The following NKX3-2 variants were observed in gnomAD, a reference collection of about 807,000 sequenced individuals.
The protein encoded by NKX3-2 is homeobox protein Nkx-3.2.
NKX3-2 carries 13 observed loss-of-function variants against 19.4 expected under a neutral mutation model. That is an observed-to-expected ratio of 0.67 (90% CI 0.44 to 1.07). The LOEUF is 1.07. Among genes scored for constraint, NKX3-2 ranks in the 50% least tolerant of loss-of-function variants. NKX3-2 has a pLI of 0.00. For synonymous variants in NKX3-2, 269 were observed against 230.5 expected (o/e 1.17, Z -1.51); for missense variants, 562 against 488.2 (o/e 1.15, Z -1.42).
rs1055340292 is a variant in NKX3-2 at position 13,543,133 on chromosome 4, G to T, written c.467-605C>A. Reference sequence around the variant, plus strand: ...GGATGGACTGGAGAGTAAAGAGGGAGGGTTGCCCCTGCATCGAGTTTTTGG... The same window carrying T: ...GGATGGACTGGAGAGTAAAGAGGGATGGTTGCCCCTGCATCGAGTTTTTGG... On this transcript the variant is annotated intron_variant, in intron 1 of 1. Transcript: ENST00000382438. This position sits in a 1 kb window ranked among gnomAD's most constrained non-coding sequence, Gnocchi z 7.1. Among the ~76,000 whole-genome samples the T allele has an allele frequency of 4.6e-5, 7 of 152,030 alleles. No homozygotes were observed. Among genetic ancestry groups the T allele is most frequent in the Non-Finnish European group, 8.8e-5 (6 of 68,008 alleles).
chr4:13,544,164 G>C lies in NKX3-2; in HGVS notation c.251C>G (p.Thr84Ser), dbSNP rs755427626. ...GTCCCAGCCTTCCGGGCTCTCCGCAGTCCGCCCCGCAGCTGTTCTGGTACC... is the reference window on the plus strand; with the variant it reads ...GTCCCAGCCTTCCGGGCTCTCCGCACTCCGCCCCGCAGCTGTTCTGGTACC... ...PAGTRTAAGR[T>S]AESPEGWDSD... Residue 84 changes from threonine (T) to serine (S), a missense_variant, in exon 1 of 2, where the codon ACT (threonine) becomes AGT (serine). By Grantham distance (58) the Thr-to-Ser change is moderately conservative. Coordinates refer to ENST00000382438, the MANE Select transcript of NKX3-2 (RefSeq NM_001189.4). The C allele has an allele frequency of 1.2e-6, 2 of 1,605,854 alleles. No individual in the cohort carries two copies. Among genetic ancestry groups the C allele is most frequent in the Non-Finnish European group, 1.7e-6 (2 of 1,178,946 alleles).
In NKX3-2 at chr4:13,542,066, G is replaced by A. The variant is rs771961191; in HGVS notation, c.929C>T (p.Ser310Phe). ...RPPSLLPLQP[S>F]YYYPYYCLPG... The stretch of plus-strand genomic sequence containing the variant: ...GAGGCAGTAGTACGGGTAATAGTAG[G>A]AGGGCTGCAGTGGCAGAAGCGAGGG... Residue 310 changes from serine to phenylalanine, a missense_variant, in exon 2 of 2, where the codon TCC (serine) becomes TTC (phenylalanine). Transcript: ENST00000382438. This position sits in a 1 kb window ranked among gnomAD's most constrained non-coding sequence, Gnocchi z 6.4. The A allele has an allele frequency of 3.1e-6, 5 of 1,607,820 alleles. No individual in the cohort carries two copies. In the South Asian group the frequency reaches 5.5e-5, roughly 18 times the overall value.
upstream of NKX3-2, chr4:13,546,840 C>T (rs968912679): frequency 9.1e-6 from 4 of 441,832 alleles, no homozygotes; most frequent in South Asian, 3.1e-5. Context: ...GTTGGACATA[C>T]TCCTGCCACA....
At position 13,541,672 on chromosome 4, in the gene NKX3-2, C is replaced by G. The variant is rs1022161361; in HGVS notation, c.*321G>C. On this transcript the variant is annotated 3_prime_UTR_variant, in exon 2 of 2. Transcript: ENST00000382438. ...GAGTTGCCGCTCAGGGAAAACCCCA[C>G]CCCCAGGCAGACATATTCGAATCAA... 2 of 314,764 alleles carry G rather than the reference C, an allele frequency of 6.4e-6. No individual in the cohort carries two copies. The highest frequency in any genetic ancestry group is 2.1e-5 in the African/African-American group (1 of 46,710). The allele number at this position is 314,764 out of a possible 1,614,324, so 19.5% of individuals were successfully genotyped here.
chr4:13,544,041 A>C lies in NKX3-2; in HGVS notation c.374T>G (p.Leu125Arg). 6.4e-7 allele frequency: 1 copy of C among 1,563,172 alleles called. No homozygotes were observed. The highest frequency in any genetic ancestry group is 8.6e-7 in the Non-Finnish European group (1 of 1,157,528). Residue 125 changes from leucine (L) to arginine (R), a missense_variant, in exon 1 of 2, where the codon CTC becomes CGC. Physicochemically the swap from Leu to Arg is moderately radical, Grantham distance 102 (BLOSUM62 -2). Transcript: ENST00000382438. ...GAGLAGGSLSLGQPVCELAAS... is the reference protein window; with the variant it reads ...GAGLAGGSLSRGQPVCELAAS... Reference sequence around the variant, plus strand: ...GGCCAGCTCACAGACCGGCTGGCCGAGGCTCAAGGATCCCCCCGCAAGGCC... The same window carrying C: ...GGCCAGCTCACAGACCGGCTGGCCGCGGCTCAAGGATCCCCCCGCAAGGCC...
rs781185178 is a variant in NKX3-2 at position 13,542,413 on chromosome 4, C to G, written c.582G>C (p.Glu194Asp). ...GGGSGPAGVAEEEEEPAAPKP... is the reference protein window; with the variant it reads ...GGGSGPAGVADEEEEPAAPKP... ...TGGGCGCCGCCGGCTCCTCCTCCTC[C>G]TCCGCGACGCCTGCCGGCCCGCTGC... is the stretch of plus-strand genomic sequence containing the variant. The change falls in exon 2 of 2, where the codon GAG (glutamate) becomes GAC (aspartate). Residue 194 changes from glutamate to aspartate, a missense_variant. By Grantham distance (45) the Glu-to-Asp change is conservative. Transcript: ENST00000382438. The surrounding 1 kb of genome is among the most constrained non-coding windows in gnomAD (Gnocchi z 6.4). 4 of 1,528,484 alleles carry G rather than the reference C, an allele frequency of 2.6e-6. No individual in the cohort carries two copies. The highest frequency in any genetic ancestry group is 2.6e-6 in the Non-Finnish European group (3 of 1,144,010). The allele number at this position is 1,528,484 out of a possible 1,614,324, so 94.7% of individuals were successfully genotyped here. A position where few individuals can be genotyped will look rare whatever the true frequency, so the allele number is the denominator to read the frequency against.
rs1370716798 is a variant in NKX3-2, at chr4:13,543,271, G to A, written c.466+678C>T. Among the ~76,000 whole-genome samples the A allele has an allele frequency of 6.6e-6, 1 of 152,140 alleles. No homozygotes were observed. Among genetic ancestry groups the A allele is most frequent in the Non-Finnish European group, 1.5e-5 (1 of 68,028 alleles). On this transcript the variant is annotated intron_variant, in intron 1 of 1. Coordinates refer to ENST00000382438, the MANE Select transcript of NKX3-2 (RefSeq NM_001189.4). The surrounding 1 kb of genome is among the most constrained non-coding windows in gnomAD (Gnocchi z 7.1). ...GCCTACAGAAGCTTGTACCCAACTA[G>A]GGCAGGCACCCGGGTCTTCCAGACC...
Position 13,544,032 on chromosome 4 carries a change from G to A in NKX3-2, c.383C>T (p.Pro128Leu), listed in dbSNP as rs773171448. ...LAGGSLSLGQ[P>L]VCELAASKDL... ...TTTGGAAGCGGCCAGCTCACAGACC[G>A]GCTGGCCGAGGCTCAAGGATCCCCC... Residue 128 changes from proline (P) to leucine (L), a missense_variant, in exon 1 of 2, where the codon CCG becomes CTG. Physicochemically the swap from Pro to Leu is moderately conservative, Grantham distance 98. Transcript: ENST00000382438. The A allele has an allele frequency of 7.1e-6, 11 of 1,559,532 alleles. No individual in the cohort carries two copies. In the African/African-American group the frequency reaches 1.5e-4, roughly 22 times the overall value.
upstream of NKX3-2, chr4:13,544,929 TAGCCGCGGC>T (rs1718092488): frequency 6.6e-6 from 1 of 151,892 alleles, no homozygotes; most frequent in Non-Finnish European, 1.5e-5. Context: ...GCGGCGGCGG[TAGCCGCGGC>T]CGCGGCCGCT....
In NKX3-2 at chr4:13,541,759, G is replaced by C. The variant is rs1717989164; in HGVS notation, c.*234C>G. 7.7e-6 allele frequency: 4 copies of C among 516,448 alleles called. No individual in the cohort carries two copies. The highest frequency in any genetic ancestry group is 1.3e-5 in the Non-Finnish European group (4 of 297,980). 32.0% of individuals were successfully genotyped at this position (516,448 alleles called of 1,614,324 possible). A position where few individuals can be genotyped will look rare whatever the true frequency, so the allele number is the denominator to read the frequency against. Reference sequence around the variant, plus strand: ...CCCAGGGGCTTCCAGGCAGGTGGGCGATCAGGGCCCCTAGGCCATAGGGTG... The same window carrying C: ...CCCAGGGGCTTCCAGGCAGGTGGGCCATCAGGGCCCCTAGGCCATAGGGTG... On this transcript the variant is annotated 3_prime_UTR_variant, in exon 2 of 2. Coordinates refer to ENST00000382438, the MANE Select transcript of NKX3-2 (RefSeq NM_001189.4).
At chr4:13,547,112 G>A (rs895771856), upstream of NKX3-2, 6 of 456,248 alleles carry the variant, frequency 1.3e-5, no homozygotes, top group Admixed American at 2.3e-5. Flanking sequence ...GCAACTAGAA[G>A]CTGCTCCTAG....
At chr4:13,545,204 G>T (rs1209766840), upstream of NKX3-2, among the ~76,000 whole-genome samples, 1 of 152,090 alleles carries the variant, frequency 6.6e-6, no homozygotes, top group Non-Finnish European at 1.5e-5. Flanking sequence ...CTAAAGACAG[G>T]GTCTGACTTA....
chr4:13,547,520 G>A, upstream of NKX3-2: 1 of 230,704 alleles, frequency 4.3e-6, no homozygotes, highest in Non-Finnish European at 8.4e-6. Context: ...GCGCCCACGG[G>A]CCCATTTTTT....
chr4:13,543,940 G>A lies in NKX3-2; in HGVS notation c.466+9C>T, dbSNP rs1718051264. On this transcript the variant is annotated intron_variant, in intron 1 of 1. Coordinates refer to ENST00000382438, the MANE Select transcript of NKX3-2 (RefSeq NM_001189.4). This position sits in a 1 kb window ranked among gnomAD's most constrained non-coding sequence, Gnocchi z 7.1. ...GCCCGGCCCCCATCCCCGCGAAGCC[G>A]CAGCAGACCTGAGACGCTGGCGGAC... 1.3e-6 allele frequency: 2 copies of A among 1,536,828 alleles called. No homozygotes were observed. The highest frequency in any genetic ancestry group is 1.7e-6 in the Non-Finnish European group (2 of 1,143,224).
Position 13,542,035 on chromosome 4 carries a change from G to C in NKX3-2, c.960C>G (p.Gly320=). The change falls in exon 2 of 2, where the codon GGC becomes GGG. Residue 320 remains glycine (G), a synonymous_variant. Coordinates refer to ENST00000382438, the MANE Select transcript of NKX3-2 (RefSeq NM_001189.4). The surrounding 1 kb of genome is among the most constrained non-coding windows in gnomAD (Gnocchi z 6.4). ...SYYYPYYCLP[G]WALSTCAAAA... ...CAGCTGCGCAGGTGGAGAGCGCCCA[G>C]CCTGGGAGGCAGTAGTACGGGTAAT... 6.2e-7 allele frequency: 1 copy of C among 1,601,240 alleles called. No individual in the cohort carries two copies. The highest frequency in any genetic ancestry group is 8.5e-7 in the Non-Finnish European group (1 of 1,174,286).
In NKX3-2 at chr4:13,544,454, G is replaced by C. The variant is rs1166372962; in HGVS notation, c.-40C>G. On this transcript the variant is annotated 5_prime_UTR_variant, in exon 1 of 2. Transcript: ENST00000382438. ...GGAGCGGCCGGCGGGGCGGGCAGCT[G>C]GGGCGCCGAGCAGCTCCGAGCGGGA... The C allele has an allele frequency of 2.1e-6, 3 of 1,427,364 alleles. No individual in the cohort carries two copies. The highest frequency in any genetic ancestry group is 3.0e-5 in the African/African-American group (2 of 66,958). The allele number at this position is 1,427,364 out of a possible 1,614,324, so 88.4% of individuals were successfully genotyped here.
upstream of NKX3-2, chr4:13,546,158 T>G (rs563505256): frequency 6.6e-6 from 1 of 152,366 alleles, no homozygotes; most frequent in African/African-American, 2.4e-5. Flanking sequence ...ACATCTCCCC[T>G]TGTTGCTTTC....
At chr4:13,546,941 G>A (rs1291788159), upstream of NKX3-2, 3 of 456,170 alleles carry the variant, frequency 6.6e-6, no homozygotes, top group African/African-American at 6.0e-5. Flanking sequence ...TGTGAGAAAG[G>A]GGCTACGTTC....
Position 13,542,275 on chromosome 4 carries a change from G to T in NKX3-2, c.720C>A (p.Ala240=). 1 of 1,610,220 alleles carries T rather than the reference G, an allele frequency of 6.2e-7. No individual in the cohort carries two copies. The highest frequency in any genetic ancestry group is 1.7e-5 in the Admixed American group (1 of 59,780). Residue 240 remains alanine (A), a synonymous_variant, in exon 2 of 2, where the codon GCC becomes GCA. Coordinates refer to ENST00000382438, the MANE Select transcript of NKX3-2 (RefSeq NM_001189.4). This position sits in a 1 kb window ranked among gnomAD's most constrained non-coding sequence, Gnocchi z 6.4. Reference sequence around the variant, plus strand: ...GCGTCTCGGTGAGCTTCAGCGACGCGGCCAGGTCTGCGCGCTCGGGCCCGG... The same window carrying T: ...GCGTCTCGGTGAGCTTCAGCGACGCTGCCAGGTCTGCGCGCTCGGGCCCGG... The part of the protein sequence containing the change: ...YLSGPERADL[A]ASLKLTETQV...
Sources: allele counts gnomAD v4.1 joint callset (sites outside exome capture counted in the v4.1 genomes callset), GRCh38; gene constraint gnomAD v4.1.1; non-coding constraint Gnocchi (gnomAD v3.1); transcripts MANE v1.5; gene names NCBI Gene and HGNC (gene_info 2026-07-23, HGNC 2026-07-21).